PIGK: variants seen among roughly 807,000 people sequenced by gnomAD.
The protein encoded by PIGK is GPI-anchor transamidase.
A neutral mutation model predicts 50.6 loss-of-function variants in PIGK; 42 were observed. That is an observed-to-expected ratio of 0.83 (90% CI 0.65 to 1.07). PIGK has a LOEUF of 1.07. Ranked by LOEUF, PIGK falls within the 50% of genes least tolerant of loss-of-function variation. PIGK has a pLI of 0.00. For synonymous variants in PIGK, 151 were observed against 156.0 expected (o/e 0.97, Z 0.24); for missense variants, 448 against 488.7 (o/e 0.92, Z 0.78).
intron 3 of PIGK, among the ~76,000 whole-genome samples, chr1:77,200,705 G>A (rs565601097): frequency 2.0e-5 from 3 of 152,118 alleles, no homozygotes. Context: ...GAAGACAGCT[G>A]TGCTAAAACA....
intron 3 of PIGK, among the ~76,000 whole-genome samples, chr1:77,204,239 A>C (rs1195054000): frequency 1.3e-5 from 2 of 152,138 alleles, no homozygotes; most frequent in Admixed American, 1.3e-4. Context: ...TGTCTGTCTT[A>C]TACGGTTGCA....
chr1:77,156,465 A>G (rs901196144), intron 8 of PIGK, among the ~76,000 whole-genome samples: 1 of 152,172 alleles, frequency 6.6e-6, no homozygotes, highest in African/African-American at 2.4e-5. Flanking sequence ...ATCTCCTTCA[A>G]TTACAGAATG....
At chr1:77,190,598 C>T (rs749687395) in intron 3 of PIGK, among the ~76,000 whole-genome samples, 1 of 152,016 alleles carries the variant, frequency 6.6e-6, no homozygotes, top group Non-Finnish European at 1.5e-5. Context: ...TCTCAAAGAA[C>T]AGCACTAGAG....
chr1:77,111,702 A>G (rs895985329), intron 10 of PIGK, among the ~76,000 whole-genome samples: 7 of 152,152 alleles, frequency 4.6e-5, no homozygotes, highest in Admixed American at 1.3e-4. Context: ...GCATATGTAT[A>G]CATATGTAAC....
At chr1:77,116,593 TGTGC>T (rs776367343) in intron 10 of PIGK, among the ~76,000 whole-genome samples, 4,544 of 68,556 alleles carry the variant, frequency 0.066, 96 homozygotes, top group South Asian at 0.17. Flanking sequence ...TGTGTGTGTG[TGTGC>T]GCGTGTGTGT....
In PIGK at chr1:77,184,142, G is replaced by A. The variant is rs1024293289; in HGVS notation, c.240-14747C>T. The stretch of plus-strand genomic sequence containing the variant: ...GTAGGCATAGCTACTCTAATGGACA[G>A]CAAAGGCAAAGTGGCAATCAGAATA... On this transcript the variant is annotated intron_variant, in intron 3 of 10. Transcript: ENST00000370812. Among the ~76,000 whole-genome samples, 3 of 152,184 alleles carry A rather than the reference G, an allele frequency of 2.0e-5. No individual in the cohort carries two copies. The South Asian group carries it at 6.2e-4, about 31-fold the overall frequency.
intron 10 of PIGK, among the ~76,000 whole-genome samples, chr1:77,100,756 A>C (rs944138236): frequency 2.0e-5 from 3 of 152,218 alleles, no homozygotes; most frequent in Admixed American, 1.3e-4. Context: ...TATTCGAAGT[A>C]GCCAAGATGC....
chr1:77,149,366 C>T (rs1425307674), intron 9 of PIGK, among the ~76,000 whole-genome samples: 2 of 151,922 alleles, frequency 1.3e-5, no homozygotes, highest in East Asian at 3.9e-4. Flanking sequence ...AAACTCACTT[C>T]ACCTATAAAG....
chr1:77,152,956 G>C (rs1654925731), intron 9 of PIGK, among the ~76,000 whole-genome samples: 1 of 151,994 alleles, frequency 6.6e-6, no homozygotes, highest in Admixed American at 6.6e-5. Context: ...ACAGTACAGA[G>C]GTTGCTCAAA....
intron 10 of PIGK, among the ~76,000 whole-genome samples, chr1:77,104,471 C>G (rs937232475): frequency 2.6e-5 from 4 of 151,734 alleles, no homozygotes; most frequent in African/African-American, 9.7e-5. Flanking sequence ...AGATAATACA[C>G]TGGAAAAGAA....
intron 3 of PIGK, among the ~76,000 whole-genome samples, chr1:77,191,588 T>C (rs748452920): frequency 6.6e-6 from 1 of 152,244 alleles, no homozygotes; most frequent in Non-Finnish European, 1.5e-5. Context: ...TATGATACAT[T>C]TCTAGCGTCA....
At position 77,199,115 on chromosome 1, in the gene PIGK, C is replaced by T. The variant is rs111833780; in HGVS notation, c.239+7525G>A. Among the ~76,000 whole-genome samples, 565 of 152,150 alleles carry T rather than the reference C, an allele frequency of 3.7e-3. 3 individuals are homozygous for T. Among genetic ancestry groups the T allele is most frequent in the African/African-American group, 0.013 (538 of 41,552 alleles). On this transcript the variant is annotated intron_variant, in intron 3 of 10. Transcript: ENST00000370812. The stretch of plus-strand genomic sequence containing the variant: ...CCCATTCATGGTCTTGTTAGACTTG[C>T]AAATTGGTCCTACATATGATCTAAA...
chr1:77,107,911 T>C (rs1281327936), intron 10 of PIGK, among the ~76,000 whole-genome samples: 5 of 152,116 alleles, frequency 3.3e-5, no homozygotes, highest in Non-Finnish European at 5.9e-5. Context: ...AGGATTGCAA[T>C]CCCTGCCTTT....
At position 77,201,374 on chromosome 1, in the gene PIGK, C is replaced by T. The variant is rs141867768; in HGVS notation, c.239+5266G>A. ...TGACTTGTTTTGGGCAAGACTCTTA[C>T]GGATTTCTGATAGAAATAAATCAAT... On this transcript the variant is annotated intron_variant, in intron 3 of 10. Coordinates refer to ENST00000370812, the MANE Select transcript of PIGK (RefSeq NM_005482.3). 2.7e-3 allele frequency among the ~76,000 whole-genome samples: 417 copies of T among 152,310 alleles called. 1 individual carries two copies. Among genetic ancestry groups the T allele is most frequent in the African/African-American group, 9.2e-3 (383 of 41,576 alleles).
intron 9 of PIGK, among the ~76,000 whole-genome samples, chr1:77,126,427 C>G (rs1004359967): frequency 1.5e-4 from 23 of 152,110 alleles, no homozygotes; most frequent in Non-Finnish European, 1.6e-4. Flanking sequence ...ACAGCACCCT[C>G]TTCTGTGGCT....
intron 10 of PIGK, among the ~76,000 whole-genome samples, chr1:77,106,796 A>G (rs1011716620): frequency 6.6e-6 from 1 of 152,128 alleles, no homozygotes; most frequent in African/African-American, 2.4e-5. Flanking sequence ...ATATCAATAT[A>G]TAATTTATAC....
chr1:77,184,130 C>T (rs1447225326), intron 3 of PIGK, among the ~76,000 whole-genome samples: 1 of 152,158 alleles, frequency 6.6e-6, no homozygotes, highest in Non-Finnish European at 1.5e-5. Context: ...GGCATAGCTA[C>T]TCTAATGGAC....
chr1:77,132,726 T>C (rs1654406944), intron 9 of PIGK, among the ~76,000 whole-genome samples: 1 of 152,078 alleles, frequency 6.6e-6, no homozygotes, highest in Non-Finnish European at 1.5e-5. Context: ...AGTTTTATTT[T>C]ATTTCAAGTG....
intron 1 of PIGK, among the ~76,000 whole-genome samples, chr1:77,212,008 T>C (rs1656432151): frequency 1.3e-5 from 2 of 152,076 alleles, no homozygotes; most frequent in Non-Finnish European, 2.9e-5. Flanking sequence ...TCAGTATCCA[T>C]TCTTACTAGG....
Sources: allele counts gnomAD v4.1 joint callset (sites outside exome capture counted in the v4.1 genomes callset), GRCh38; gene constraint gnomAD v4.1.1; transcripts MANE v1.5; gene names NCBI Gene and HGNC (gene_info 2026-07-23, HGNC 2026-07-21).